TLN2: variants seen among roughly 807,000 people sequenced by gnomAD.
The protein encoded by TLN2 is talin 2, also known as talin-2.
In TLN2, 118 loss-of-function variants were observed where a neutral mutation model predicts 294.7. The ratio of observed to expected loss-of-function variants is 0.40; its 90% confidence interval spans 0.34 to 0.47. The LOEUF is 0.47. TLN2 is among the 20% of genes least tolerant of loss of function. TLN2 has a pLI of 0.84. For missense variants in TLN2, 3,083 were observed against 3,282.2 expected (o/e 0.94, Z 1.48); for synonymous variants, 1,431 against 1,304.5 (o/e 1.10, Z -2.09).
chr15:62,694,039 G>A lies in TLN2; in HGVS notation c.1216-277G>A, dbSNP rs538066189. Among the ~76,000 whole-genome samples, 135 of 144,784 alleles carry A rather than the reference G, an allele frequency of 9.3e-4. 1 individual carries two copies. The highest frequency in any genetic ancestry group is 3.3e-3 in the African/African-American group (125 of 37,596). The allele number at this position is 144,784 out of a possible 152,430, so 95.0% of individuals were successfully genotyped here. ...GCTGGAGTGCAGTGGCGCTGTCTCGGCTCACTGCAGGCTCCGCCTCCCAGT... is the reference window on the plus strand; with the variant it reads ...GCTGGAGTGCAGTGGCGCTGTCTCGACTCACTGCAGGCTCCGCCTCCCAGT... On this transcript the variant is annotated intron_variant, in intron 13 of 58. Transcript: ENST00000636159.
chr15:62,691,803 G>A (rs1352203632), intron 12 of TLN2, among the ~76,000 whole-genome samples: 2 of 151,744 alleles, frequency 1.3e-5, no homozygotes, highest in African/African-American at 4.8e-5. Context: ...TTGAGGAGCT[G>A]GAACTGCAGG....
chr15:62,468,521 G>A lies in TLN2; in HGVS notation c.-238+77836G>A, dbSNP rs543063353. Among the ~76,000 whole-genome samples, 93 of 152,234 alleles carry A rather than the reference G, an allele frequency of 6.1e-4. No individual in the cohort carries two copies. In the Middle Eastern group the frequency reaches 0.01, roughly 17 times the overall value. On this transcript the variant is annotated intron_variant, in intron 1 of 58. Coordinates refer to ENST00000636159, the MANE Select transcript of TLN2 (RefSeq NM_015059.3). ...AGCACTTTGGGAGGCCAAGGCAGGC[G>A]GATCACAGGGTCAGGAGATTGAGAC...
rs144452507 is a variant in TLN2, at chr15:62,710,373, A to G, written c.2468-1538A>G. On this transcript the variant is annotated intron_variant, in intron 21 of 58. Transcript: ENST00000636159. ...TCTATTTTTGTGCTTCCTTGCCAGC[A>G]TAGAACAATACCTTATAACGAGTTT... Among the ~76,000 whole-genome samples the G allele has an allele frequency of 1.6e-3, 250 of 152,352 alleles. 1 individual carries two copies. Among genetic ancestry groups the G allele is most frequent in the African/African-American group, 5.8e-3 (243 of 41,588 alleles).
At chr15:62,484,292 A>C (rs1281031904) in intron 1 of TLN2, among the ~76,000 whole-genome samples, 2 of 152,240 alleles carry the variant, frequency 1.3e-5, no homozygotes, top group African/African-American at 2.4e-5. Context: ...ATTACTAAAA[A>C]AAGAAATAAT....
chr15:62,755,166 A>G (rs1275728578), intron 36 of TLN2: 1 of 170,242 alleles, frequency 5.9e-6, no homozygotes, highest in Non-Finnish European at 1.2e-5. Flanking sequence ...TACTTATTTT[A>G]AAGTGACTGC....
chr15:62,421,919 A>G (rs1182484877), intron 1 of TLN2, among the ~76,000 whole-genome samples: 2 of 152,224 alleles, frequency 1.3e-5, no homozygotes, highest in South Asian at 4.2e-4. Context: ...GTTAGGAGGA[A>G]TTATTACTGC....
In TLN2 at chr15:62,835,782, CAG is replaced by C. The variant is rs2069472579; in HGVS notation, c.7175_7176del (p.Gln2392ArgfsTer18). ...TGCTGCAGACGACGGACAGTGGTCA[CAG>C]GGGCTGATTTCTGCTGTGAGTTGCC... is the stretch of plus-strand genomic sequence containing the variant. Reference protein sequence around the residue: ...ANAADDGQWSQGLISAARMVA... With the variant: ...ANAADDGQWSXGLISAARMVA... On this transcript the variant is annotated frameshift_variant, in exon 56 of 59. Transcript: ENST00000636159. LOFTEE classifies it high-confidence loss of function. 1.2e-6 allele frequency: 2 copies of C among 1,614,204 alleles called. No individual in the cohort carries two copies. Among genetic ancestry groups the C allele is most frequent in the South Asian group, 1.1e-5 (1 of 91,082 alleles).
intron 1 of TLN2, among the ~76,000 whole-genome samples, chr15:62,586,048 G>A (rs958827673): frequency 6.6e-6 from 1 of 152,158 alleles, no homozygotes; most frequent in Non-Finnish European, 1.5e-5. Context: ...TACCAAGCCG[G>A]ATGACTAGTA....
At chr15:62,456,213 A>G (rs2140330346) in intron 1 of TLN2, among the ~76,000 whole-genome samples, 1 of 152,286 alleles carries the variant, frequency 6.6e-6, no homozygotes, top group East Asian at 1.9e-4. Flanking sequence ...AGTCAGATCT[A>G]AATATCCAAG....
At chr15:62,643,318 G>A (rs2051366613) in intron 3 of TLN2, among the ~76,000 whole-genome samples, 2 of 151,698 alleles carry the variant, frequency 1.3e-5, no homozygotes, top group South Asian at 4.2e-4. Context: ...ATAAAATGGG[G>A]AGCCAGAAGT....
At chr15:62,399,256 CAAAAAAAAAAAA>C (rs546678440) in intron 1 of TLN2, among the ~76,000 whole-genome samples, 9 of 58,430 alleles carry the variant, frequency 1.5e-4, no homozygotes, top group African/African-American at 2.2e-4. Flanking sequence ...CCGTCTCAAA[CAAAAAAAAAAAA>C]AAAAAAAAAA....
At chr15:62,596,264 C>CAAAAAAAAAAA (rs71129015) in intron 2 of TLN2, among the ~76,000 whole-genome samples, 17 of 81,612 alleles carry the variant, frequency 2.1e-4, no homozygotes, top group East Asian at 8.5e-4. Flanking sequence ...GACTCCATCT[C>CAAAAAAAAAAA]AAAAAAAAAA....
chr15:62,726,823 G>T (rs1034578948), intron 27 of TLN2, among the ~76,000 whole-genome samples: 1 of 152,178 alleles, frequency 6.6e-6, no homozygotes, highest in African/African-American at 2.4e-5. Context: ...TCAGGAAACT[G>T]AGGCTTGGAG....
At chr15:62,395,225 G>C (rs1490563630) in intron 1 of TLN2, among the ~76,000 whole-genome samples, 1 of 146,800 alleles carries the variant, frequency 6.8e-6, no homozygotes, top group African/African-American at 2.6e-5. Context: ...GCCAGGGCGG[G>C]GGTGGGGTAG....
intron 1 of TLN2, among the ~76,000 whole-genome samples, chr15:62,406,672 A>G (rs769529796): frequency 4.6e-5 from 7 of 152,176 alleles, no homozygotes; most frequent in African/African-American, 7.2e-5. Flanking sequence ...TGCCATGGCA[A>G]TGGTAAATTG....
intron 1 of TLN2, among the ~76,000 whole-genome samples, chr15:62,543,274 T>C (rs1212756024): frequency 2.0e-5 from 3 of 152,224 alleles, no homozygotes; most frequent in African/African-American, 7.2e-5. Flanking sequence ...AGAAACTCTA[T>C]ATTCTCAACT....
chr15:62,824,333 G>A (rs527869803), intron 54 of TLN2, among the ~76,000 whole-genome samples: 2 of 152,166 alleles, frequency 1.3e-5, no homozygotes, highest in African/African-American at 4.8e-5. Context: ...ACCCATGTCT[G>A]TGACACAGAA....
intron 1 of TLN2, among the ~76,000 whole-genome samples, chr15:62,580,905 C>T (rs1353180570): frequency 6.3e-5 from 9 of 142,558 alleles, no homozygotes; most frequent in South Asian, 2.3e-4. Flanking sequence ...CTTTTTGAGA[C>T]AGAGTTTCGG....
intron 48 of TLN2, among the ~76,000 whole-genome samples, chr15:62,797,666 G>C (rs538026945): frequency 6.6e-6 from 1 of 152,312 alleles, no homozygotes; most frequent in Non-Finnish European, 1.5e-5. Flanking sequence ...GTGAAGGCTG[G>C]AGCACGGCAT....
Sources: gnomAD v4.1 joint callset for allele counts (sites outside exome capture counted in the v4.1 genomes callset) on GRCh38, gnomAD v4.1.1 for gene constraint, MANE v1.5 for transcripts, NCBI Gene and HGNC (gene_info 2026-07-23, HGNC 2026-07-21) for gene names.